The following SLC24A2 variants were observed in gnomAD, a reference collection of about 807,000 sequenced individuals.
The protein encoded by SLC24A2 is sodium/potassium/calcium exchanger 2.
Under a neutral mutation model 62.0 loss-of-function variants are expected in SLC24A2, and 36 were observed. That is an observed-to-expected ratio of 0.58 (90% confidence interval 0.44 to 0.77). SLC24A2 has a LOEUF of 0.77. SLC24A2 is among the 30% of genes least tolerant of loss of function. The pLI is 0.00. For missense variants in SLC24A2, 846 were observed against 817.9 expected (o/e 1.03, Z -0.42); for synonymous variants, 358 against 294.0 (o/e 1.22, Z -2.23).
chr9:20,085,420 A>G, the SLC24A2 span, among the ~76,000 whole-genome samples: 1 of 152,190 alleles, frequency 6.6e-6, no homozygotes, highest in Non-Finnish European at 1.5e-5. Flanking sequence ...TTGATGGGGG[A>G]TGTAAGATCT....
At chr9:19,964,401 G>A in the SLC24A2 span, among the ~76,000 whole-genome samples, 1 of 152,076 alleles carries the variant, frequency 6.6e-6, no homozygotes, top group South Asian at 2.1e-4. Context: ...AGGAGTTGCA[G>A]TCAAGTGGTG....
chr9:19,927,731 C>G, the SLC24A2 span: 1 of 152,140 alleles, frequency 6.6e-6, no homozygotes, highest in Non-Finnish European at 1.5e-5. Context: ...ATGGCTCTGA[C>G]GGGAGAGCCA....
At chr9:19,691,753 G>C (rs1820052968) in intron 2 of SLC24A2, among the ~76,000 whole-genome samples, 1 of 152,064 alleles carries the variant, frequency 6.6e-6, no homozygotes. Context: ...AAATGTCACA[G>C]TACTGGATTC....
intron 2 of SLC24A2, among the ~76,000 whole-genome samples, chr9:19,782,161 C>A (rs1823036351): frequency 6.6e-6 from 1 of 152,206 alleles, no homozygotes; most frequent in South Asian, 2.1e-4. Flanking sequence ...ATACCATGGA[C>A]AGCTGCTTTC....
At chr9:20,014,495 G>GATATATATATATATATATATATATAT in the SLC24A2 span, among the ~76,000 whole-genome samples, 1 of 140,702 alleles carries the variant, frequency 7.1e-6, no homozygotes, top group Non-Finnish European at 1.5e-5. Flanking sequence ...AGAAAAATGT[G>GATATATATATATATATATATATATAT]ATATATATAT....
chr9:20,275,356 C>G, the SLC24A2 span, among the ~76,000 whole-genome samples: 16,761 of 152,048 alleles, frequency 0.11, 1,914 homozygotes, highest in East Asian at 0.52. Flanking sequence ...TGCTCAAATT[C>G]CTAGAGTTAC....
At chr9:20,060,217 T>C in the SLC24A2 span, among the ~76,000 whole-genome samples, 1 of 152,098 alleles carries the variant, frequency 6.6e-6, no homozygotes, top group Non-Finnish European at 1.5e-5. Flanking sequence ...TGGTGAATTT[T>C]ACCAAACATT....
chr9:20,023,801 C>A, the SLC24A2 span, among the ~76,000 whole-genome samples: 2 of 152,182 alleles, frequency 1.3e-5, no homozygotes, highest in African/African-American at 4.8e-5. Context: ...ACAATCACTC[C>A]TCCTGCCCCC....
the SLC24A2 span, among the ~76,000 whole-genome samples, chr9:20,070,305 A>G: frequency 6.6e-6 from 1 of 152,136 alleles, no homozygotes; most frequent in Non-Finnish European, 1.5e-5. Flanking sequence ...AAATGTCTCG[A>G]TTTTGCTCTC....
the SLC24A2 span, among the ~76,000 whole-genome samples, chr9:20,056,255 G>T: frequency 6.6e-6 from 1 of 152,108 alleles, no homozygotes; most frequent in Admixed American, 6.5e-5. Flanking sequence ...TGAATAAATT[G>T]GTGGATGGCT....
chr9:19,582,557 A>G (rs1222573514), intron 5 of SLC24A2, among the ~76,000 whole-genome samples: 1 of 152,202 alleles, frequency 6.6e-6, no homozygotes, highest in Non-Finnish European at 1.5e-5. Flanking sequence ...AAAAACTAGA[A>G]ATCAGCCTTT....
chr9:19,578,358 C>CAAAAAA (rs3085616), intron 5 of SLC24A2, among the ~76,000 whole-genome samples: 1 of 135,642 alleles, frequency 7.4e-6, no homozygotes. Flanking sequence ...TGCAATAAGC[C>CAAAAAA]AAAAAAAAAA....
At chr9:19,794,959 T>C in the SLC24A2 span, among the ~76,000 whole-genome samples, 1 of 152,106 alleles carries the variant, frequency 6.6e-6, no homozygotes, top group African/African-American at 2.4e-5. Flanking sequence ...AATTTCAACA[T>C]AAAATAAAGC....
At chr9:20,218,298 T>C in the SLC24A2 span, among the ~76,000 whole-genome samples, 2 of 152,202 alleles carry the variant, frequency 1.3e-5, no homozygotes, top group Non-Finnish European at 2.9e-5. Flanking sequence ...GTCTTTGATT[T>C]GACCTCTGTA....
chr9:19,718,942 C>T (rs1820945475), intron 2 of SLC24A2, among the ~76,000 whole-genome samples: 1 of 152,138 alleles, frequency 6.6e-6, no homozygotes, highest in Non-Finnish European at 1.5e-5. Flanking sequence ...TTTCCCTTGA[C>T]ACATTTCAAA....
the SLC24A2 span, among the ~76,000 whole-genome samples, chr9:20,184,684 C>A: frequency 6.6e-6 from 1 of 152,098 alleles, no homozygotes; most frequent in African/African-American, 2.4e-5. Flanking sequence ...ATATGGAGAA[C>A]AGTATGGAGG....
At chr9:20,142,667 G>A in the SLC24A2 span, among the ~76,000 whole-genome samples, 75 of 152,244 alleles carry the variant, frequency 4.9e-4, no homozygotes, top group South Asian at 5.8e-3. Context: ...CACAATCTCA[G>A]CTCACTGCAG....
chr9:20,266,452 C>T, the SLC24A2 span, among the ~76,000 whole-genome samples: 1 of 152,162 alleles, frequency 6.6e-6, no homozygotes, highest in Non-Finnish European at 1.5e-5. Flanking sequence ...ACTCATTCTC[C>T]AGATAACTGC....
the SLC24A2 span, among the ~76,000 whole-genome samples, chr9:19,995,527 G>A: frequency 6.6e-6 from 1 of 152,186 alleles, no homozygotes; most frequent in Non-Finnish European, 1.5e-5. Flanking sequence ...AAGAACACTA[G>A]ATATTTTGAG....
Sources: gnomAD v4.1 joint callset for allele counts (sites outside exome capture counted in the v4.1 genomes callset) on GRCh38, gnomAD v4.1.1 for gene constraint, MANE v1.5 for transcripts, NCBI Gene and HGNC (gene_info 2026-07-23, HGNC 2026-07-21) for gene names.